Variants in NEDD9 observed in about 807,000 individuals in gnomAD.
The protein encoded by NEDD9 is enhancer of filamentation 1.
A neutral mutation model predicts 76.6 loss-of-function variants in NEDD9; 26 were observed. The observed-to-expected ratio is 0.34, with a 90% CI of 0.25 to 0.47. The LOEUF (loss-of-function observed/expected upper bound fraction) is 0.47, where lower values mean the gene tolerates loss of function less well. Among genes scored for constraint, NEDD9 ranks in the 20% least tolerant of loss-of-function variants. The pLI is 1.00. For synonymous variants in NEDD9, 392 were observed against 414.2 expected, an observed-to-expected ratio of 0.95 and a Z score of 0.65; for missense variants, 937 against 1,058.5, an observed-to-expected ratio of 0.89 and a Z score of 1.59.
At chr6:11,280,528 C>G (rs770097955) in intron 3 of NEDD9, among the ~76,000 whole-genome samples, 5 of 152,210 alleles carry the variant, frequency 3.3e-5, no homozygotes, top group Non-Finnish European at 7.3e-5. Context: ...GGTGCCATCT[C>G]CACCCTCTTC....
intron 3 of NEDD9, among the ~76,000 whole-genome samples, chr6:11,298,846 A>G (rs931833318): frequency 6.6e-6 from 1 of 152,206 alleles, no homozygotes; most frequent in African/African-American, 2.4e-5. Context: ...CTTGACCTTA[A>G]AACATCACAG....
At position 11,193,469 on chromosome 6, in the gene NEDD9, TA is replaced by T; in HGVS notation, c.561+121del. The T allele has an allele frequency of 1.4e-5, 9 of 621,688 alleles. No homozygotes were observed. The South Asian group carries it at 2.5e-4, about 17-fold the overall frequency. 38.5% of individuals were successfully genotyped at this position (621,688 alleles called of 1,614,324 possible). On this transcript the variant is annotated intron_variant, in intron 3 of 6. Transcript: ENST00000379446. ...TAAAGTGGCTACTGGGTAGACAACCTAAACAAAGCTTCATATGACATATATT... is the reference window on the plus strand; with the variant it reads ...TAAAGTGGCTACTGGGTAGACAACCTAACAAAGCTTCATATGACATATATT...
At chr6:11,343,953 C>G (rs1762319827) in intron 1 of NEDD9, among the ~76,000 whole-genome samples, 1 of 152,104 alleles carries the variant, frequency 6.6e-6, no homozygotes, top group Non-Finnish European at 1.5e-5. Context: ...TAAAGGTAAC[C>G]AGATATCTGT....
intron 3 of NEDD9, among the ~76,000 whole-genome samples, chr6:11,290,075 G>A (rs1293652440): frequency 6.6e-6 from 1 of 152,178 alleles, no homozygotes; most frequent in African/African-American, 2.4e-5. Flanking sequence ...TTTTCACACA[G>A]GAGTTCTTTC....
chr6:11,289,021 C>A (rs1266189653), intron 3 of NEDD9, among the ~76,000 whole-genome samples: 1 of 152,252 alleles, frequency 6.6e-6, no homozygotes, highest in Non-Finnish European at 1.5e-5. Flanking sequence ...AGGTATCTAA[C>A]TAGCTTGCCT....
rs1322923778 is a variant in NEDD9, at chr6:11,190,083, C to G, written c.1786G>C (p.Ala596Pro). The change falls in exon 5 of 7, where the codon GCC becomes CCC. Residue 596 changes from alanine (A) to proline (P), a missense_variant. Physicochemically the swap from Ala to Pro is conservative, Grantham distance 27. Transcript: ENST00000379446. This position sits in a 1 kb window ranked among gnomAD's most constrained non-coding sequence, Gnocchi z 5.8. ...GGCAGTGCCTTGTTGTGGGCCTGGGCCTTGTGGTCACCAGGATGCAGCAGC... is the reference window on the plus strand; with the variant it reads ...GGCAGTGCCTTGTTGTGGGCCTGGGGCTTGTGGTCACCAGGATGCAGCAGC... ...GQLLHPGDHK[A>P]QAHNKALPPG... 2 of 1,606,788 alleles carry G rather than the reference C, an allele frequency of 1.2e-6. No individual in the cohort carries two copies. Among genetic ancestry groups the G allele is most frequent in the African/African-American group, 1.3e-5 (1 of 74,862 alleles).
chr6:11,286,134 A>G (rs1345387345), intron 3 of NEDD9, among the ~76,000 whole-genome samples: 4 of 152,218 alleles, frequency 2.6e-5, no homozygotes, highest in Non-Finnish European at 5.9e-5. Flanking sequence ...AGAAACTCTC[A>G]TTACTGAATA....
At chr6:11,195,346 G>GA (rs1197127938) in intron 2 of NEDD9, among the ~76,000 whole-genome samples, 1 of 152,184 alleles carries the variant, frequency 6.6e-6, no homozygotes, top group Non-Finnish European at 1.5e-5. Context: ...GGAGCATACG[G>GA]AACCACTTTA....
chr6:11,222,574 A>T (rs144669590), intron 1 of NEDD9, among the ~76,000 whole-genome samples: 2 of 152,378 alleles, frequency 1.3e-5, no homozygotes, highest in Non-Finnish European at 2.9e-5. Context: ...TCTTACACGC[A>T]CATGTTATAC....
At chr6:11,194,478 T>C (rs1758242136) in intron 2 of NEDD9, among the ~76,000 whole-genome samples, 1 of 152,228 alleles carries the variant, frequency 6.6e-6, no homozygotes, top group Admixed American at 6.5e-5. Context: ...TTGGACATTA[T>C]TATGATGATT....
chr6:11,381,885 C>T (rs907828681), intron 1 of NEDD9, among the ~76,000 whole-genome samples: 1 of 152,208 alleles, frequency 6.6e-6, no homozygotes, highest in African/African-American at 2.4e-5. Flanking sequence ...CACCAGGAAG[C>T]ATCTACCCAG....
intron 6 of NEDD9, among the ~76,000 whole-genome samples, chr6:11,187,660 G>T (rs796231924): frequency 1.3e-5 from 2 of 152,222 alleles, no homozygotes; most frequent in African/African-American, 4.8e-5. Flanking sequence ...AGAGGAAGCC[G>T]AGATGAAAAG....
chr6:11,289,803 T>TGGGGA (rs1760727907), intron 3 of NEDD9, among the ~76,000 whole-genome samples: 2 of 151,768 alleles, frequency 1.3e-5, no homozygotes, highest in African/African-American at 4.8e-5. Context: ...AGGTCAGGGG[T>TGGGGA]GGGGAGGGTA....
chr6:11,332,589 T>C (rs1762065381), intron 2 of NEDD9, among the ~76,000 whole-genome samples: 1 of 152,212 alleles, frequency 6.6e-6, no homozygotes, highest in Non-Finnish European at 1.5e-5. Flanking sequence ...AAGCAGCTCT[T>C]GAATTAGATG....
At chr6:11,368,688 T>C (rs1170610976) in intron 1 of NEDD9, among the ~76,000 whole-genome samples, 1 of 152,274 alleles carries the variant, frequency 6.6e-6, no homozygotes, top group Non-Finnish European at 1.5e-5. Flanking sequence ...AAATATCATT[T>C]CGGCTTTCTT....
chr6:11,324,753 AGT>A (rs1278532661), intron 2 of NEDD9, among the ~76,000 whole-genome samples: 3 of 129,598 alleles, frequency 2.3e-5, no homozygotes, highest in African/African-American at 3.1e-5. Flanking sequence ...GTGACTCCCA[AGT>A]GTGTTTTGTC....
At chr6:11,291,509 C>G (rs1227900147) in intron 3 of NEDD9, among the ~76,000 whole-genome samples, 1 of 152,064 alleles carries the variant, frequency 6.6e-6, no homozygotes, top group Non-Finnish European at 1.5e-5. Context: ...CTCCTGACCT[C>G]GTGATCAACC....
At chr6:11,316,282 C>T (rs552871710) in intron 2 of NEDD9, among the ~76,000 whole-genome samples, 1 of 152,340 alleles carries the variant, frequency 6.6e-6, no homozygotes, top group East Asian at 1.9e-4. Context: ...TTGCTGTTTG[C>T]TTTGAGGAAA....
At chr6:11,231,495 G>A (rs1212251129) in intron 1 of NEDD9, among the ~76,000 whole-genome samples, 1 of 152,228 alleles carries the variant, frequency 6.6e-6, no homozygotes, top group East Asian at 1.9e-4. Context: ...CTAGTGTACA[G>A]TTAATATAAA....
Sources: allele counts gnomAD v4.1 joint callset (sites outside exome capture counted in the v4.1 genomes callset), GRCh38; gene constraint gnomAD v4.1.1; non-coding constraint Gnocchi (gnomAD v3.1); transcripts MANE v1.5; gene names NCBI Gene and HGNC (gene_info 2026-07-23, HGNC 2026-07-21).